ITPR1: variants seen among roughly 807,000 people sequenced by gnomAD.
The protein encoded by ITPR1 is inositol 1,4,5-trisphosphate receptor type 1.
A neutral mutation model predicts 318.4 loss-of-function variants in ITPR1; 96 were observed. That is an observed-to-expected ratio of 0.30 (90% CI 0.26 to 0.36). The LOEUF is 0.36. Among genes scored for constraint, ITPR1 ranks in the 10% least tolerant of loss-of-function variants. ITPR1 has a pLI of 1.00. For missense variants in ITPR1, 2,440 were observed against 3,460.2 expected (o/e 0.71, Z 7.40); for synonymous variants, 1,312 against 1,289.9 (o/e 1.02, Z -0.37).
chr3:4,758,069 CA>C (rs2045144033), intron 44 of ITPR1, among the ~76,000 whole-genome samples: 1 of 152,184 alleles, frequency 6.6e-6, no homozygotes, highest in Non-Finnish European at 1.5e-5. Flanking sequence ...CACTGTTTGG[CA>C]GCCACATTTT....
chr3:4,815,308 C>A, intron 59 of ITPR1, 90 bp downstream of exon 59: 2 of 1,324,152 alleles, frequency 1.5e-6, no homozygotes, highest in East Asian at 2.4e-5. Context: ...GGGCGGGGTG[C>A]CTGCCCAGTT....
At chr3:4,745,620 T>G (rs962639892) in intron 44 of ITPR1, among the ~76,000 whole-genome samples, 2 of 152,202 alleles carry the variant, frequency 1.3e-5, no homozygotes, top group Non-Finnish European at 2.9e-5. Context: ...CCTGTTTGCC[T>G]TCTTTTTCTA....
intron 44 of ITPR1, among the ~76,000 whole-genome samples, chr3:4,752,668 A>G (rs2044630562): frequency 6.6e-6 from 1 of 152,124 alleles, no homozygotes; most frequent in South Asian, 2.1e-4. Context: ...TAATATAGTA[A>G]ATTTTTTAAA....
chr3:4,715,634 C>A (rs1417142978), intron 39 of ITPR1, among the ~76,000 whole-genome samples: 1 of 152,140 alleles, frequency 6.6e-6, no homozygotes, highest in Non-Finnish European at 1.5e-5. Context: ...GGGTGGATCA[C>A]CTGAGGTCAG....
intron 4 of ITPR1, among the ~76,000 whole-genome samples, chr3:4,610,918 T>C (rs1484184415): frequency 1.1e-5 from 1 of 87,250 alleles, no homozygotes; most frequent in African/African-American, 4.9e-5. Flanking sequence ...TCCTTCTCCT[T>C]CCCTTCCCTT....
intron 29 of ITPR1, among the ~76,000 whole-genome samples, chr3:4,684,626 G>A (rs1355076275): frequency 6.6e-6 from 1 of 152,222 alleles, no homozygotes; most frequent in African/African-American, 2.4e-5. Context: ...TACAATTGAA[G>A]GAAGGACTAA....
At chr3:4,584,237 C>A (rs1028008858) in intron 4 of ITPR1, among the ~76,000 whole-genome samples, 8 of 152,102 alleles carry the variant, frequency 5.3e-5, no homozygotes, top group Non-Finnish European at 1.2e-4. Flanking sequence ...TCTCAGCACC[C>A]ACCTCACCCC....
At chr3:4,668,929 C>T (rs1320781368) in intron 18 of ITPR1, among the ~76,000 whole-genome samples, 1 of 152,212 alleles carries the variant, frequency 6.6e-6, no homozygotes, top group Non-Finnish European at 1.5e-5. Flanking sequence ...CTCTTTCGTA[C>T]ACCCTCTCCC....
intron 40 of ITPR1, among the ~76,000 whole-genome samples, chr3:4,722,985 C>T (rs1433007658): frequency 6.6e-6 from 1 of 152,136 alleles, no homozygotes; most frequent in Non-Finnish European, 1.5e-5. Flanking sequence ...CATGTCTCTA[C>T]TAAAAATACA....
intron 22 of ITPR1, 134 bp from the exon 23 acceptor site, chr3:4,674,934 C>A (rs1429507782): frequency 7.2e-6 from 4 of 555,994 alleles, no homozygotes; most frequent in Non-Finnish European, 1.2e-5. Flanking sequence ...TCAGAAAGTG[C>A]AAGGAAAATA....
chr3:4,799,501 G>T (rs113406231), intron 53 of ITPR1, among the ~76,000 whole-genome samples: 3,198 of 152,282 alleles, frequency 0.021, 58 homozygotes, highest in South Asian at 0.047. Context: ...CCCTGCAAAG[G>T]TGTCTCCTCC....
intron 48 of ITPR1, among the ~76,000 whole-genome samples, chr3:4,777,801 C>A (rs200281522): frequency 2.3e-5 from 3 of 132,364 alleles, no homozygotes; most frequent in African/African-American, 2.8e-5. Context: ...AAAAAAAAAA[C>A]CCAAAAAAAC....
intron 4 of ITPR1, among the ~76,000 whole-genome samples, chr3:4,545,431 T>A (rs2084878550): frequency 6.6e-6 from 1 of 152,008 alleles, no homozygotes; most frequent in Non-Finnish European, 1.5e-5. Flanking sequence ...GAGACCAGTC[T>A]GGGCAACAAG....
chr3:4,553,985 C>T (rs911852604), intron 4 of ITPR1, among the ~76,000 whole-genome samples: 14 of 151,326 alleles, frequency 9.3e-5, no homozygotes, highest in African/African-American at 2.4e-4. Flanking sequence ...TCAAGCAGTC[C>T]GCCCTCCTTG....
intron 4 of ITPR1, 98 bp from the exon 5 acceptor site, chr3:4,627,665 T>G (rs888829083): frequency 1.4e-6 from 1 of 737,010 alleles, no homozygotes; most frequent in Non-Finnish European, 2.4e-6. Context: ...ATGATGTAAT[T>G]TTATGTAATT....
chr3:4,668,757 C>A (rs1374573606), intron 18 of ITPR1, among the ~76,000 whole-genome samples: 1 of 152,192 alleles, frequency 6.6e-6, no homozygotes, highest in African/African-American at 2.4e-5. Context: ...TGAGCCACCG[C>A]GCTCGGCCTC....
chr3:4,624,423 C>T (rs1375548521), intron 4 of ITPR1, among the ~76,000 whole-genome samples: 1 of 152,180 alleles, frequency 6.6e-6, no homozygotes, highest in South Asian at 2.1e-4. Context: ...AATCCCAGCA[C>T]TTTGGGAGGC....
intron 44 of ITPR1, among the ~76,000 whole-genome samples, chr3:4,763,420 C>T (rs986493571): frequency 6.6e-5 from 10 of 152,100 alleles, no homozygotes; most frequent in African/African-American, 9.7e-5. Flanking sequence ...GTCTTCCTTC[C>T]GTTGAGGCAC....
In ITPR1 at chr3:4,763,919, C is replaced by T. The variant is rs537210136; in HGVS notation, c.5545-2611C>T. On this transcript the variant is annotated intron_variant, in intron 44 of 61. Transcript: ENST00000649015. ...CGGGCTTTATTTATTCATTTACTTA[C>T]TTACTTGAAGGGCTTTTGTTTCCTT... is the stretch of plus-strand genomic sequence containing the variant. Among the ~76,000 whole-genome samples the T allele has an allele frequency of 6.6e-5, 10 of 152,366 alleles. No individual in the cohort carries two copies. The South Asian group carries it at 2.1e-3, about 32-fold the overall frequency.
Sources: allele counts gnomAD v4.1 joint callset (sites outside exome capture counted in the v4.1 genomes callset), GRCh38; gene constraint gnomAD v4.1.1; transcripts MANE v1.5; gene names NCBI Gene and HGNC (gene_info 2026-07-23, HGNC 2026-07-21).